NOL4: variants seen among roughly 807,000 people sequenced by gnomAD.
NOL4 encodes the protein nucleolar protein 4.
NOL4 carries 17 observed loss-of-function variants against 75.9 expected under a neutral mutation model. The ratio of observed to expected loss-of-function variants is 0.22; its 90% CI spans 0.15 to 0.34. NOL4 has a LOEUF of 0.34. Ranked by LOEUF, NOL4 falls within the 10% of genes least tolerant of loss-of-function variation. NOL4 has a pLI of 1.00. For missense variants in NOL4, 614 were observed against 793.5 expected, an observed-to-expected ratio of 0.77 and a Z score of 2.72; for synonymous variants, 292 against 289.9, an observed-to-expected ratio of 1.01 and a Z score of -0.07.
chr18:33,895,789 T>C (rs1013898083), intron 9 of NOL4, among the ~76,000 whole-genome samples: 2 of 152,080 alleles, frequency 1.3e-5, no homozygotes, highest in African/African-American at 4.8e-5. Context: ...CAACATAGTA[T>C]TGGAAGTCTT....
intron 5 of NOL4, among the ~76,000 whole-genome samples, chr18:34,030,921 T>A (rs1014001727): frequency 9.0e-6 from 1 of 111,320 alleles, no homozygotes. Flanking sequence ...GATATAAAAA[T>A]CAAAATATGT....
chr18:34,127,643 A>C (rs993616464), intron 2 of NOL4, among the ~76,000 whole-genome samples: 17 of 151,936 alleles, frequency 1.1e-4, no homozygotes, highest in Non-Finnish European at 2.2e-4. Flanking sequence ...TTTTAGTTTT[A>C]TGCCTCATTA....
intron 6 of NOL4, among the ~76,000 whole-genome samples, chr18:33,970,797 C>T (rs978727164): frequency 2.6e-5 from 4 of 151,734 alleles, no homozygotes; most frequent in African/African-American, 4.8e-5. Flanking sequence ...TTATTTCTCT[C>T]GGAGTTTCCA....
chr18:33,928,339 A>T (rs2067470742), intron 9 of NOL4, among the ~76,000 whole-genome samples: 1 of 152,210 alleles, frequency 6.6e-6, no homozygotes, highest in South Asian at 2.1e-4. Context: ...TAAACCAAAG[A>T]TGTATCTCAA....
chr18:33,921,118 T>C (rs1599872493), intron 9 of NOL4, among the ~76,000 whole-genome samples: 1 of 152,230 alleles, frequency 6.6e-6, no homozygotes, highest in Non-Finnish European at 1.5e-5. Context: ...TGTCCCACCA[T>C]TGTCTTTTAG....
chr18:34,184,418 A>T (rs2034297398), intron 1 of NOL4, among the ~76,000 whole-genome samples: 1 of 152,210 alleles, frequency 6.6e-6, no homozygotes, highest in Middle Eastern at 3.4e-3. Flanking sequence ...AGAGTCAAAG[A>T]GCATTTAGAA....
chr18:34,129,355 T>C (rs574991259), intron 2 of NOL4, among the ~76,000 whole-genome samples: 8 of 151,806 alleles, frequency 5.3e-5, no homozygotes, highest in Admixed American at 1.3e-4. Context: ...TCCTGGAAAA[T>C]TAAGAAATAC....
intron 9 of NOL4, among the ~76,000 whole-genome samples, chr18:33,906,145 C>A (rs2066031886): frequency 6.6e-6 from 1 of 152,152 alleles, no homozygotes; most frequent in African/African-American, 2.4e-5. Context: ...CTTATGAAAA[C>A]TAACCCAGAA....
At chr18:34,141,485 G>C (rs1156606513) in intron 1 of NOL4, among the ~76,000 whole-genome samples, 1 of 152,064 alleles carries the variant, frequency 6.6e-6, no homozygotes, top group East Asian at 1.9e-4. Context: ...CCAAAACAGA[G>C]ATATAGACCA....
intron 9 of NOL4, among the ~76,000 whole-genome samples, chr18:33,933,781 C>T (rs1295640245): frequency 6.6e-6 from 1 of 152,102 alleles, no homozygotes; most frequent in Non-Finnish European, 1.5e-5. Context: ...AAGTCTTGAA[C>T]CCCTCAAAGT....
chr18:34,026,151 C>T (rs1204496504), intron 5 of NOL4, among the ~76,000 whole-genome samples: 1 of 152,078 alleles, frequency 6.6e-6, no homozygotes. Context: ...ATCTGTTCTC[C>T]TTCTATTGCA....
intron 5 of NOL4, among the ~76,000 whole-genome samples, chr18:34,075,657 C>T (rs999286828): frequency 2.6e-5 from 4 of 152,112 alleles, no homozygotes; most frequent in African/African-American, 9.7e-5. Flanking sequence ...AATCTTACTG[C>T]AAGTCATGAC....
intron 1 of NOL4, among the ~76,000 whole-genome samples, chr18:34,168,682 G>T (rs1228993721): frequency 6.6e-6 from 1 of 151,656 alleles, no homozygotes; most frequent in Non-Finnish European, 1.5e-5. Flanking sequence ...GATAACAAAA[G>T]ATTTTAATTC....
chr18:34,004,943 G>A (rs1335032494), intron 6 of NOL4, among the ~76,000 whole-genome samples: 2 of 151,984 alleles, frequency 1.3e-5, no homozygotes, highest in Non-Finnish European at 2.9e-5. Flanking sequence ...CCTTGGGAGT[G>A]CAAACCTATG....
At chr18:33,935,739 A>T (rs993550317) in intron 9 of NOL4, among the ~76,000 whole-genome samples, 3 of 152,190 alleles carry the variant, frequency 2.0e-5, no homozygotes, top group African/African-American at 7.2e-5. Flanking sequence ...GTGAAGCACA[A>T]CAAAGTGAAG....
chr18:34,163,850 C>A (rs1445627327), intron 1 of NOL4, among the ~76,000 whole-genome samples: 1 of 152,040 alleles, frequency 6.6e-6, no homozygotes, highest in Non-Finnish European at 1.5e-5. Flanking sequence ...ATACTACAAG[C>A]CTACAGTAAC....
At chr18:33,917,939 G>A (rs2066821193) in intron 9 of NOL4, among the ~76,000 whole-genome samples, 1 of 152,114 alleles carries the variant, frequency 6.6e-6, no homozygotes, top group African/African-American at 2.4e-5. Context: ...TGAACTGTGG[G>A]TTTTCAGAAC....
intron 9 of NOL4, among the ~76,000 whole-genome samples, chr18:33,891,356 C>T (rs1185699722): frequency 6.6e-6 from 1 of 152,084 alleles, no homozygotes; most frequent in African/African-American, 2.4e-5. Context: ...AGCAGCTCTG[C>T]TTTCTTCTAT....
chr18:33,868,343 T>A (rs890840371), intron 10 of NOL4, among the ~76,000 whole-genome samples: 2 of 151,960 alleles, frequency 1.3e-5, no homozygotes, highest in African/African-American at 4.8e-5. Flanking sequence ...GATTCAAATG[T>A]TAATCTCATA....
Sources: gnomAD v4.1 joint callset for allele counts (sites outside exome capture counted in the v4.1 genomes callset) on GRCh38, gnomAD v4.1.1 for gene constraint, MANE v1.5 for transcripts, NCBI Gene and HGNC (gene_info 2026-07-23, HGNC 2026-07-21) for gene names.